ALK: variants seen among roughly 807,000 people sequenced by gnomAD.
ALK encodes ALK tyrosine kinase receptor.
Under a neutral mutation model 163.1 loss-of-function variants are expected in ALK, and 74 were observed. That is an observed-to-expected ratio of 0.45 (90% CI 0.38 to 0.55). ALK has a LOEUF of 0.55. Ranked by LOEUF, ALK falls within the 20% of genes least tolerant of loss-of-function variation. ALK has a pLI of 0.00. For missense variants in ALK, 2,063 were observed against 2,105.3 expected (o/e 0.98, Z 0.39); for synonymous variants, 960 against 843.2 (o/e 1.14, Z -2.40).
intron 1 of ALK, chr2:29,899,833 AAAAAGAAAAAAAAG>A (rs1039194780): frequency 3.3e-5 from 5 of 152,508 alleles, no homozygotes; most frequent in African/African-American, 1.2e-4. Context: ...CTCAAAAAAA[AAAAAGAAAAAAAAG>A]AAAGAAAGAG....
intron 3 of ALK, among the ~76,000 whole-genome samples, chr2:29,618,776 C>T (rs1267553392): frequency 3.3e-5 from 5 of 152,130 alleles, no homozygotes; most frequent in Non-Finnish European, 5.9e-5. Context: ...GTCAGGAGTT[C>T]AAGACCAGCC....
intron 5 of ALK, among the ~76,000 whole-genome samples, chr2:29,361,531 G>C (rs776186216): frequency 6.6e-5 from 10 of 152,170 alleles, no homozygotes; most frequent in African/African-American, 9.7e-5. Context: ...GAAAACACTG[G>C]GCCAGCAGTG....
chr2:29,595,365 G>A (rs182854087), intron 3 of ALK, among the ~76,000 whole-genome samples: 1 of 145,156 alleles, frequency 6.9e-6, no homozygotes, highest in East Asian at 2.0e-4. Context: ...CTGTCACCCA[G>A]GCTGGGGTCC....
At chr2:29,811,090 G>T (rs1309165756) in intron 1 of ALK, among the ~76,000 whole-genome samples, 1 of 152,060 alleles carries the variant, frequency 6.6e-6, no homozygotes, top group African/African-American at 2.4e-5. Context: ...AACCCAAGCA[G>T]ACTACTGCAG....
chr2:29,736,297 T>C (rs1468511667), intron 1 of ALK, among the ~76,000 whole-genome samples: 1 of 152,064 alleles, frequency 6.6e-6, no homozygotes, highest in Non-Finnish European at 1.5e-5. Context: ...TTAACAGTAA[T>C]TGCCTTTCAA....
intron 4 of ALK, among the ~76,000 whole-genome samples, chr2:29,415,273 C>T (rs1573333747): frequency 6.6e-6 from 1 of 151,776 alleles, no homozygotes; most frequent in Admixed American, 6.6e-5. Context: ...TCACGATCTT[C>T]CAAAAGAAGT....
intron 3 of ALK, among the ~76,000 whole-genome samples, chr2:29,590,360 T>C (rs1675014530): frequency 6.6e-6 from 1 of 152,190 alleles, no homozygotes; most frequent in Non-Finnish European, 1.5e-5. Context: ...TGACCATTTT[T>C]AAAGGTTAAA....
intron 1 of ALK, among the ~76,000 whole-genome samples, chr2:29,878,856 G>T (rs185159621): frequency 2.2e-4 from 34 of 152,286 alleles, no homozygotes; most frequent in Middle Eastern, 3.4e-3. Flanking sequence ...AAAATCAGGG[G>T]ACAGTGCTGG....
At chr2:29,811,176 G>A (rs560520870) in intron 1 of ALK, among the ~76,000 whole-genome samples, 31 of 152,212 alleles carry the variant, frequency 2.0e-4, no homozygotes, top group African/African-American at 7.0e-4. Context: ...TGCTGAGGTC[G>A]AAGGCCAGGC....
intron 1 of ALK, among the ~76,000 whole-genome samples, chr2:29,901,980 C>A (rs556825880): frequency 1.3e-5 from 2 of 152,282 alleles, no homozygotes; most frequent in Non-Finnish European, 2.9e-5. Context: ...AATACAGTTG[C>A]ATAATCCATA....
At chr2:29,479,567 A>G (rs1203051830) in intron 4 of ALK, among the ~76,000 whole-genome samples, 1 of 152,256 alleles carries the variant, frequency 6.6e-6, no homozygotes, top group African/African-American at 2.4e-5. Flanking sequence ...AATCTCAAGC[A>G]TGTGGCTTTG....
chr2:29,920,950 G>A lies in ALK; in HGVS notation c.-291C>T, dbSNP rs960698668. The A allele has an allele frequency of 2.0e-5, 10 of 494,636 alleles. No individual in the cohort carries two copies. Among genetic ancestry groups the A allele is most frequent in the African/African-American group, 7.7e-5 (4 of 51,620 alleles). 30.6% of individuals were successfully genotyped at this position (494,636 alleles called of 1,614,324 possible). On this transcript the variant is annotated 5_prime_UTR_variant, in exon 1 of 29. Transcript: ENST00000389048. ...TCCCGCTCTCCGCGCCGAGTGCCGCGCCCCCGTCTGTAGCTCGCTGCGCTC... is the reference window on the plus strand; with the variant it reads ...TCCCGCTCTCCGCGCCGAGTGCCGCACCCCCGTCTGTAGCTCGCTGCGCTC...
At chr2:29,581,243 C>T (rs997133588) in intron 3 of ALK, among the ~76,000 whole-genome samples, 7 of 152,128 alleles carry the variant, frequency 4.6e-5, no homozygotes, top group Non-Finnish European at 7.3e-5. Flanking sequence ...CAAAAATTAG[C>T]TTGGTGTGGT....
chr2:29,256,389 C>T (rs942253631), intron 11 of ALK, among the ~76,000 whole-genome samples: 1 of 152,100 alleles, frequency 6.6e-6, no homozygotes, highest in Non-Finnish European at 1.5e-5. Flanking sequence ...GCAGGAAATG[C>T]CGTTATGCTT....
chr2:29,837,043 C>T (rs1164051405), intron 1 of ALK, among the ~76,000 whole-genome samples: 1 of 152,198 alleles, frequency 6.6e-6, no homozygotes, highest in Admixed American at 6.5e-5. Context: ...TGAACACAGA[C>T]ATCCCCCTCA....
At chr2:29,795,923 C>T (rs1042179030) in intron 1 of ALK, among the ~76,000 whole-genome samples, 4 of 152,066 alleles carry the variant, frequency 2.6e-5, no homozygotes, top group African/African-American at 7.2e-5. Context: ...TACTTTGCAA[C>T]AGGAGAAAGA....
intron 11 of ALK, among the ~76,000 whole-genome samples, chr2:29,265,372 C>G (rs921795506): frequency 6.6e-6 from 1 of 152,146 alleles, no homozygotes. Context: ...AGCGTGGCCA[C>G]TCCCCTAATC....
rs560603777 is a variant in ALK, at chr2:29,698,673, T to G, written c.788-3659A>C. On this transcript the variant is annotated intron_variant, in intron 2 of 28. Transcript: ENST00000389048. The stretch of plus-strand genomic sequence containing the variant: ...CAATCCCAGCACCGAGCATATTAAT[T>G]CTTGGATCTTTGAACTCTGGAGAGT... 4.6e-5 allele frequency among the ~76,000 whole-genome samples: 7 copies of G among 152,314 alleles called. 1 individual carries two copies. In the South Asian group the frequency reaches 1.5e-3, roughly 32 times the overall value.
chr2:29,228,585 A>T (rs962917651), intron 16 of ALK, among the ~76,000 whole-genome samples: 1 of 152,086 alleles, frequency 6.6e-6, no homozygotes, highest in Non-Finnish European at 1.5e-5. Context: ...GGGAGTCCTT[A>T]TGGGTGACTC....
Sources: allele counts gnomAD v4.1 joint callset (sites outside exome capture counted in the v4.1 genomes callset), GRCh38; gene constraint gnomAD v4.1.1; transcripts MANE v1.5; gene names NCBI Gene and HGNC (gene_info 2026-07-23, HGNC 2026-07-21).